NCAPD3: variants seen among roughly 807,000 people sequenced by gnomAD.
NCAPD3 encodes condensin-2 complex subunit D3.
In NCAPD3, 105 loss-of-function variants were observed where a neutral mutation model predicts 182.9. That is an observed-to-expected ratio of 0.57 (90% CI 0.49 to 0.68). The LOEUF (loss-of-function observed/expected upper bound fraction) is 0.68, where lower values mean the gene tolerates loss of function less well. Among genes scored for constraint, NCAPD3 ranks in the 30% least tolerant of loss-of-function variants. NCAPD3 has a pLI of 0.00. For synonymous variants in NCAPD3, 815 were observed against 679.9 expected (o/e 1.20, Z -3.09); for missense variants, 1,944 against 1,837.0 (o/e 1.06, Z -1.07).
chr11:134,184,721 C>G lies in NCAPD3; in HGVS notation c.2367G>C (p.Gln789His), dbSNP rs1290817068. ...DAVKCKLNGF[Q>H]WSLEVISSAV... ...CTGAACTGATCACCTCTAGAGACCA[C>G]TGAAATCCATTCAGCTTACACTTGA... Residue 789 changes from glutamine to histidine, a missense_variant, in exon 19 of 35, where the codon CAG becomes CAC. By Grantham distance (24) the Gln-to-His change is conservative (BLOSUM62 0). This residue lies in a region of NCAPD3 where 1,803 missense variants were observed against 1,674.6 expected (regional missense o/e 1.08). Coordinates refer to ENST00000534548, the MANE Select transcript of NCAPD3 (RefSeq NM_015261.3). The G allele has an allele frequency of 7.4e-6, 12 of 1,613,818 alleles. No individual in the cohort carries two copies. The highest frequency in any genetic ancestry group is 1.0e-5 in the Non-Finnish European group (12 of 1,179,980).
At chr11:134,174,016 TAAG>T (rs905903530) in intron 24 of NCAPD3, among the ~76,000 whole-genome samples, 1 of 149,882 alleles carries the variant, frequency 6.7e-6, no homozygotes, top group Non-Finnish European at 1.5e-5. Context: ...CCAGAACCTC[TAAG>T]AAAAAAAAAG....
chr11:134,166,757 ACT>A (rs772405729), intron 27 of NCAPD3, among the ~76,000 whole-genome samples: 57 of 117,004 alleles, frequency 4.9e-4, no homozygotes, highest in Admixed American at 9.3e-4. Flanking sequence ...GGAGGCGCAC[ACT>A]CGTGAGATGA....
rs1359157432 is a variant in NCAPD3, at chr11:134,206,524, T to C, written c.1016+75A>G. On this transcript the variant is annotated intron_variant, in intron 8 of 34. Coordinates refer to ENST00000534548, the MANE Select transcript of NCAPD3 (RefSeq NM_015261.3). The stretch of plus-strand genomic sequence containing the variant: ...GCCAGAAATTTTAAGTCTACATGTA[T>C]CAGAAATCTTAGTGCAGGGCCCAGA... 3.8e-6 allele frequency: 6 copies of C among 1,561,850 alleles called. No individual in the cohort carries two copies. The African/African-American group carries it at 6.9e-5, about 18-fold the overall frequency.
chr11:134,186,295 T>A (rs1944404345), intron 16 of NCAPD3: 1 of 152,124 alleles, frequency 6.6e-6, no homozygotes, highest in Non-Finnish European at 1.5e-5. Context: ...ACCTCCTGGG[T>A]TCAATCAATC....
chr11:134,177,298 G>A lies in NCAPD3; in HGVS notation c.2942C>T (p.Pro981Leu), dbSNP rs1944192415. The change falls in exon 23 of 35, where the codon CCC (proline) becomes CTC (leucine). Residue 981 changes from proline (P) to leucine (L), a missense_variant. This residue lies in a region of NCAPD3 where 1,803 missense variants were observed against 1,674.6 expected (regional missense o/e 1.08). Coordinates refer to ENST00000534548, the MANE Select transcript of NCAPD3 (RefSeq NM_015261.3). ...RYTIMVDKYI[P>L]NISMCLKDSD... ...ATCCTTCAGACACATGGAGATGTTG[G>A]GAATATACTTGTCCACCATGATGGT... is the stretch of plus-strand genomic sequence containing the variant. 1 of 1,614,062 alleles carries A rather than the reference G, an allele frequency of 6.2e-7. No homozygotes were observed. The highest frequency in any genetic ancestry group is 1.7e-5 in the Admixed American group (1 of 60,000).
At chr11:134,172,740 C>T (rs181717663) in intron 24 of NCAPD3, among the ~76,000 whole-genome samples, 4 of 152,076 alleles carry the variant, frequency 2.6e-5, no homozygotes, top group Non-Finnish European at 4.4e-5. Flanking sequence ...TTTATACCAG[C>T]GATTAAAAAT....
At chr11:134,203,034 A>C in intron 12 of NCAPD3, 108 bp downstream of exon 12, 4 of 1,180,746 alleles carry the variant, frequency 3.4e-6, no homozygotes, top group Non-Finnish European at 4.8e-6. Context: ...TCATGAAAAA[A>C]GTACAATGTT....
Position 134,176,310 on chromosome 11 carries a change from G to A in NCAPD3, c.3098C>T (p.Ala1033Val). 1.2e-6 allele frequency: 2 copies of A among 1,613,198 alleles called. No homozygotes were observed. Among genetic ancestry groups the A allele is most frequent in the Non-Finnish European group, 1.7e-6 (2 of 1,179,166 alleles). The stretch of plus-strand genomic sequence containing the variant: ...CTGACGTGAGGAAAAGATTTACCTG[G>A]CAATGTCTGGGTGTGAATCGATCAG... The part of the protein sequence containing the change: ...STLIDSHPDI[A>V]SFGEFCLAHL... Residue 1033 changes from alanine (A) to valine (V), a missense_variant, in exon 24 of 35, where the codon GCC (alanine) becomes GTC (valine). Physicochemically the swap from Ala to Val is moderately conservative, Grantham distance 64. Coordinates refer to ENST00000534548, the MANE Select transcript of NCAPD3 (RefSeq NM_015261.3).
At chr11:134,173,864 G>A (rs1486747068) in intron 24 of NCAPD3, among the ~76,000 whole-genome samples, 3 of 151,964 alleles carry the variant, frequency 2.0e-5, no homozygotes, top group African/African-American at 7.2e-5. Flanking sequence ...GGGAGGCTGA[G>A]GCAGGAGAAT....
chr11:134,179,782 A>G (rs774449986), intron 20 of NCAPD3, among the ~76,000 whole-genome samples: 8 of 152,160 alleles, frequency 5.3e-5, no homozygotes, highest in Non-Finnish European at 1.0e-4. Flanking sequence ...TTTTTTATTT[A>G]CACCCCAAAT....
At chr11:134,222,359 A>T (rs752221516) in intron 1 of NCAPD3, among the ~76,000 whole-genome samples, 2 of 152,236 alleles carry the variant, frequency 1.3e-5, no homozygotes, top group Non-Finnish European at 2.9e-5. Flanking sequence ...TGAATACTAG[A>T]GGGTTCTTGT....
At chr11:134,193,991 A>T (rs1944576493) in intron 15 of NCAPD3, 25 bp downstream of exon 15, 4 of 1,595,586 alleles carry the variant, frequency 2.5e-6, no homozygotes, top group Non-Finnish European at 3.4e-6. Context: ...ACCATGCATT[A>T]CATATATAAT....
rs757703501 is a variant in NCAPD3 at position 134,158,309 on chromosome 11, G to T, written c.4034+20C>A. 3.7e-6 allele frequency: 6 copies of T among 1,613,428 alleles called. No individual in the cohort carries two copies. The South Asian group carries it at 6.6e-5, about 18-fold the overall frequency. On this transcript the variant is annotated intron_variant, in intron 30 of 34. Coordinates refer to ENST00000534548, the MANE Select transcript of NCAPD3 (RefSeq NM_015261.3). ...CGCCACAGAGAACCAGCCCTGATGT[G>T]GCCTCCAGGGGCTCTTTACCTGGCT...
chr11:134,188,099 G>A (rs1281815247), intron 16 of NCAPD3, among the ~76,000 whole-genome samples: 2 of 152,182 alleles, frequency 1.3e-5, no homozygotes. Flanking sequence ...TGTCTAGCTA[G>A]AGGATTGTAA....
At chr11:134,170,458 A>C (rs1292204698) in intron 24 of NCAPD3, among the ~76,000 whole-genome samples, 1 of 152,232 alleles carries the variant, frequency 6.6e-6, no homozygotes, top group Non-Finnish European at 1.5e-5. Context: ...ACCACTAAAC[A>C]AACAAGGATT....
chr11:134,152,717 G>A lies in NCAPD3; in HGVS notation c.*227C>T. 2.2e-6 allele frequency: 1 copy of A among 449,642 alleles called. No homozygotes were observed. Among genetic ancestry groups the A allele is most frequent in the Non-Finnish European group, 3.9e-6 (1 of 256,638 alleles). 27.9% of individuals were successfully genotyped at this position (449,642 alleles called of 1,614,324 possible). A position where few individuals can be genotyped will look rare whatever the true frequency, so the allele number is the denominator to read the frequency against. The stretch of plus-strand genomic sequence containing the variant: ...AAAGTTACAATATTAAACAGATTAG[G>A]GTAAGAAAATCTAAATCTGGCACAT... On this transcript the variant is annotated 3_prime_UTR_variant, in exon 35 of 35. Coordinates refer to ENST00000534548, the MANE Select transcript of NCAPD3 (RefSeq NM_015261.3).
chr11:134,220,029 C>T (rs772541506), intron 2 of NCAPD3, among the ~76,000 whole-genome samples: 4 of 152,160 alleles, frequency 2.6e-5, no homozygotes, highest in East Asian at 1.9e-4. Context: ...CTCCTGACTT[C>T]GTGATCCACC....
rs767241475 is a variant in NCAPD3 at position 134,202,783 on chromosome 11, T to C, written c.1615+33A>G. 3.0e-5 allele frequency: 44 copies of C among 1,474,826 alleles called. No individual in the cohort carries two copies. The South Asian group carries it at 4.6e-4, about 16-fold the overall frequency. 91.4% of individuals were successfully genotyped at this position (1,474,826 alleles called of 1,614,324 possible). Reference sequence around the variant, plus strand: ...TACGGTTGTCTGAAATCCAGCAGTATTACCTATCTGACAGTGATAAAATCT... The same window carrying C: ...TACGGTTGTCTGAAATCCAGCAGTACTACCTATCTGACAGTGATAAAATCT... On this transcript the variant is annotated intron_variant, in intron 13 of 34. Transcript: ENST00000534548.
At chr11:134,154,924 T>C (rs1943377707) in intron 32 of NCAPD3, among the ~76,000 whole-genome samples, 1 of 152,220 alleles carries the variant, frequency 6.6e-6, no homozygotes. Flanking sequence ...TTATTCTGTT[T>C]CGGTGAAGTC....
Sources: allele counts gnomAD v4.1 joint callset (sites outside exome capture counted in the v4.1 genomes callset), GRCh38; gene constraint gnomAD v4.1.1; regional missense constraint gnomAD v4.1.1; transcripts MANE v1.5; gene names NCBI Gene and HGNC (gene_info 2026-07-23, HGNC 2026-07-21).